The following CAB39 variants were observed in gnomAD, a reference collection of about 807,000 sequenced individuals.
CAB39 encodes calcium-binding protein 39.
Under a neutral mutation model 40.0 loss-of-function variants are expected in CAB39, and 8 were observed. That is an observed-to-expected ratio of 0.20 (90% CI 0.12 to 0.36). The LOEUF (loss-of-function observed/expected upper bound fraction) is 0.36. Ranked by LOEUF, CAB39 falls within the 10% of genes least tolerant of loss-of-function variation. CAB39 has a pLI of 1.00. For synonymous variants in CAB39, 156 were observed against 141.6 expected, an observed-to-expected ratio of 1.10 and a Z score of -0.72; for missense variants, 270 against 401.1, an observed-to-expected ratio of 0.67 and a Z score of 2.79.
At chr2:230,718,560 T>A (rs1163057928) in intron 1 of CAB39, among the ~76,000 whole-genome samples, 1 of 152,228 alleles carries the variant, frequency 6.6e-6, no homozygotes, top group Non-Finnish European at 1.5e-5. Flanking sequence ...AACCTTAAGT[T>A]CCTTCTGTCT....
chr2:230,791,484 G>A (rs1210894108), intron 3 of CAB39, among the ~76,000 whole-genome samples: 1 of 152,180 alleles, frequency 6.6e-6, no homozygotes, highest in South Asian at 2.1e-4. Context: ...TACAACCAGA[G>A]ACCATATGTG....
intron 4 of CAB39, among the ~76,000 whole-genome samples, chr2:230,796,292 A>C (rs1204694641): frequency 6.6e-6 from 1 of 152,202 alleles, no homozygotes; most frequent in Non-Finnish European, 1.5e-5. Flanking sequence ...CCATGCTGCT[A>C]ATACTAGCAT....
chr2:230,747,798 A>G (rs967768879), intron 1 of CAB39, among the ~76,000 whole-genome samples: 14 of 152,246 alleles, frequency 9.2e-5, no homozygotes, highest in Admixed American at 5.9e-4. Context: ...TCCAGCTTCA[A>G]CAGTTAATAC....
intron 2 of CAB39, among the ~76,000 whole-genome samples, chr2:230,777,244 A>G (rs944258044): frequency 3.3e-5 from 5 of 152,032 alleles, no homozygotes; most frequent in Admixed American, 3.3e-4. Flanking sequence ...TGAAATGACT[A>G]CTGTTAACTT....
chr2:230,778,570 T>G (rs1382215187), intron 2 of CAB39, among the ~76,000 whole-genome samples: 1 of 152,168 alleles, frequency 6.6e-6, no homozygotes, highest in African/African-American at 2.4e-5. Flanking sequence ...AAAAGGCCAT[T>G]TGTACTAATG....
chr2:230,756,024 G>A (rs1164686934), intron 1 of CAB39, among the ~76,000 whole-genome samples: 1 of 152,156 alleles, frequency 6.6e-6, no homozygotes, highest in Non-Finnish European at 1.5e-5. Flanking sequence ...CAGGCCCTTT[G>A]GAAGGCAGCG....
At chr2:230,742,050 A>G (rs1422287246) in intron 1 of CAB39, among the ~76,000 whole-genome samples, 1 of 152,242 alleles carries the variant, frequency 6.6e-6, no homozygotes, top group Non-Finnish European at 1.5e-5. Flanking sequence ...TTAGATATCT[A>G]TAAATATGAA....
intron 7 of CAB39, among the ~76,000 whole-genome samples, chr2:230,815,299 CA>C (rs1696380669): frequency 7.9e-5 from 12 of 152,234 alleles, no homozygotes; most frequent in Admixed American, 7.8e-4. Context: ...GCTTGGGCCC[CA>C]CCTTCCCTGG....
chr2:230,789,924 G>C (rs374418096), intron 2 of CAB39, among the ~76,000 whole-genome samples: 31 of 152,278 alleles, frequency 2.0e-4, no homozygotes, highest in African/African-American at 6.7e-4. Flanking sequence ...TGTACTGCCT[G>C]AAGTCCACTG....
At chr2:230,806,016 T>C (rs1696186949) in intron 5 of CAB39, among the ~76,000 whole-genome samples, 1 of 152,146 alleles carries the variant, frequency 6.6e-6, no homozygotes, top group Non-Finnish European at 1.5e-5. Context: ...GACCAGAATA[T>C]AGCAGGATGA....
At chr2:230,739,199 A>C (rs148342079) in intron 1 of CAB39, among the ~76,000 whole-genome samples, 1 of 152,354 alleles carries the variant, frequency 6.6e-6, no homozygotes, top group African/African-American at 2.4e-5. Context: ...AGTGAGAGTA[A>C]ATTTAACCAG....
At chr2:230,787,522 A>C (rs1006969040) in intron 2 of CAB39, among the ~76,000 whole-genome samples, 1 of 152,222 alleles carries the variant, frequency 6.6e-6, no homozygotes, top group Non-Finnish European at 1.5e-5. Flanking sequence ...CATTCGCCCC[A>C]GTTTAAGAAT....
chr2:230,765,188 A>G (rs1172554089), intron 2 of CAB39, among the ~76,000 whole-genome samples: 1 of 152,092 alleles, frequency 6.6e-6, no homozygotes, highest in African/African-American at 2.4e-5. Flanking sequence ...ACAGGGTTTC[A>G]CCATGTTGGC....
At chr2:230,759,892 G>A in intron 1 of CAB39, 67 bp from the exon 2 acceptor site, 1 of 583,988 alleles carries the variant, frequency 1.7e-6, no homozygotes, top group South Asian at 2.9e-5. Context: ...TCCCAGATTA[G>A]GATTTAGAAA....
rs577181012 is a variant in CAB39, at chr2:230,756,661, GTTTATTTATTTA to G, written c.-43-3262_-43-3251del. Among the ~76,000 whole-genome samples the G allele has an allele frequency of 2.0e-3, 192 of 95,392 alleles. 3 individuals are homozygous for G. The South Asian group carries it at 0.031, about 15-fold the overall frequency. 62.6% of individuals were successfully genotyped at this position (95,392 alleles called of 152,430 possible). ...TAAAGAGGATAGTTTCTAACTGTTT[GTTTATTTATTTA>G]TTTATTTATTTATTTATTTATTTAT... is the stretch of plus-strand genomic sequence containing the variant. On this transcript the variant is annotated intron_variant, in intron 1 of 8. Coordinates refer to ENST00000258418, the MANE Select transcript of CAB39 (RefSeq NM_016289.4).
chr2:230,751,333 C>G (rs1695082477), intron 1 of CAB39, among the ~76,000 whole-genome samples: 1 of 152,206 alleles, frequency 6.6e-6, no homozygotes, highest in Non-Finnish European at 1.5e-5. Context: ...CACATACGCC[C>G]ACATCCATAC....
chr2:230,766,017 G>A (rs923746959), intron 2 of CAB39, among the ~76,000 whole-genome samples: 2 of 152,180 alleles, frequency 1.3e-5, no homozygotes, highest in Non-Finnish European at 2.9e-5. Flanking sequence ...TTTAAGACTA[G>A]GAGGGAAAAA....
chr2:230,715,724 A>T (rs1363095855), intron 1 of CAB39, among the ~76,000 whole-genome samples: 1 of 152,182 alleles, frequency 6.6e-6, no homozygotes, highest in Non-Finnish European at 1.5e-5. Flanking sequence ...GTTTTTTGAG[A>T]CAGGTTCTCA....
chr2:230,815,658 G>A (rs550196571), intron 7 of CAB39, among the ~76,000 whole-genome samples: 1 of 152,256 alleles, frequency 6.6e-6, no homozygotes, highest in East Asian at 1.9e-4. Flanking sequence ...GGATTCTTGG[G>A]CTGTTTGGAT....
Sources: allele counts gnomAD v4.1 joint callset (sites outside exome capture counted in the v4.1 genomes callset), GRCh38; gene constraint gnomAD v4.1.1; transcripts MANE v1.5; gene names NCBI Gene and HGNC (gene_info 2026-07-23, HGNC 2026-07-21).